Variants in SELENOF observed in about 807,000 individuals in gnomAD.
SELENOF encodes the protein selenoprotein F.
SELENOF carries 16 observed loss-of-function variants against 20.5 expected under a neutral mutation model. The ratio of observed to expected loss-of-function variants is 0.78; its 90% CI spans 0.53 to 1.19. The LOEUF (loss-of-function observed/expected upper bound fraction) is 1.19, where lower values mean the gene tolerates loss of function less well. SELENOF is among the 50% of genes most tolerant of loss of function. The probability of loss-of-function intolerance (pLI) is 0.00; values close to 1 mark genes in which losing one functional copy is unlikely to be tolerated. For missense variants in SELENOF, 215 were observed against 194.2 expected, an observed-to-expected ratio of 1.11 and a Z score of -0.64; for synonymous variants, 78 against 74.5, an observed-to-expected ratio of 1.05 and a Z score of -0.24.
At chr1:86,874,283 TTC>T (rs1399610486) in intron 3 of SELENOF, among the ~76,000 whole-genome samples, 7 of 152,166 alleles carry the variant, frequency 4.6e-5, no homozygotes, top group Non-Finnish European at 8.8e-5. Flanking sequence ...ATTTGGAGAT[TTC>T]TAAAGAAAAT....
chr1:86,883,152 CAT>C (rs1659121117), intron 2 of SELENOF, among the ~76,000 whole-genome samples: 1 of 150,742 alleles, frequency 6.6e-6, no homozygotes. Flanking sequence ...AATTCGGACA[CAT>C]ATTACAATAT....
chr1:86,875,978 A>G (rs982669643), intron 3 of SELENOF, among the ~76,000 whole-genome samples: 1 of 151,776 alleles, frequency 6.6e-6, no homozygotes, highest in African/African-American at 2.4e-5. Context: ...CGGGTCTTGT[A>G]TTTGATTTTG....
Position 86,880,724 on chromosome 1 carries a change from A to G in SELENOF, c.254T>C (p.Leu85Pro). Residue 85 changes from leucine (L) to proline (P), a missense_variant and splice_region_variant, in exon 3 of 5, where the codon CTG (leucine) becomes CCG (proline). By Grantham distance (98) the Leu-to-Pro change is moderately conservative. Transcript: ENST00000331835. ...AACTTCAAGAATAGCTCCTGCATAC[A>G]GCTACAAAAGGAAAAACAGGAATTT... ...QEEAQFETKK[L>P]YAGAILEVCG... 1 of 1,571,594 alleles carries G rather than the reference A, an allele frequency of 6.4e-7. No homozygotes were observed. The highest frequency in any genetic ancestry group is 8.6e-7 in the Non-Finnish European group (1 of 1,158,360).
intron 1 of SELENOF, among the ~76,000 whole-genome samples, chr1:86,905,402 C>T (rs547289390): frequency 2.0e-5 from 3 of 152,284 alleles, no homozygotes; most frequent in Non-Finnish European, 4.4e-5. Flanking sequence ...TCCACTTCTT[C>T]ACCTTGTAAC....
rs969484051 is a variant in SELENOF, at chr1:86,875,968, C to T, written c.316+4694G>A. On this transcript the variant is annotated intron_variant, in intron 3 of 4. Coordinates refer to ENST00000331835, the MANE Select transcript of SELENOF (RefSeq NM_004261.5). ...ATCTAGAAGAGAAACCATGTCATGG[C>T]GGGTCTTGTATTTGATTTTGTATGT... Among the ~76,000 whole-genome samples the T allele has an allele frequency of 8.6e-5, 13 of 151,944 alleles. No individual in the cohort carries two copies. In the South Asian group the frequency reaches 2.1e-3, roughly 24 times the overall value.
intron 2 of SELENOF, among the ~76,000 whole-genome samples, chr1:86,882,692 A>G (rs756681523): frequency 1.6e-4 from 24 of 152,212 alleles, no homozygotes; most frequent in Non-Finnish European, 2.4e-4. Flanking sequence ...CCTCAAACAG[A>G]TATTTATACA....
chr1:86,893,673 T>C (rs1659447113), intron 2 of SELENOF, among the ~76,000 whole-genome samples: 1 of 151,978 alleles, frequency 6.6e-6, no homozygotes, highest in Non-Finnish European at 1.5e-5. Context: ...TCTCAACAAT[T>C]CTTATAAAAA....
chr1:86,900,101 A>T (rs1659651727), intron 2 of SELENOF, among the ~76,000 whole-genome samples: 1 of 149,078 alleles, frequency 6.7e-6, no homozygotes, highest in African/African-American at 2.5e-5. Context: ...CTCACTTTCC[A>T]GACTGGGCAG....
intron 2 of SELENOF, among the ~76,000 whole-genome samples, chr1:86,883,454 A>G (rs1281687519): frequency 1.3e-5 from 2 of 151,504 alleles, no homozygotes; most frequent in Non-Finnish European, 2.9e-5. Context: ...ATTTTACACT[A>G]AATAGTGTAT....
intron 2 of SELENOF, among the ~76,000 whole-genome samples, chr1:86,899,102 G>A (rs1659604353): frequency 6.6e-6 from 1 of 151,426 alleles, no homozygotes. Flanking sequence ...AGGTTGTGGG[G>A]TAAGGTCACA....
At chr1:86,893,375 T>C (rs1570395583) in intron 2 of SELENOF, among the ~76,000 whole-genome samples, 1 of 147,418 alleles carries the variant, frequency 6.8e-6, no homozygotes. Context: ...GAGGCCAAGG[T>C]GGGTGGATCA....
chr1:86,914,558 C>G (rs1660090208), upstream of SELENOF: 3 of 168,122 alleles, frequency 1.8e-5, no homozygotes, highest in South Asian at 2.6e-4. Context: ...GGCGGGGCTT[C>G]TGGTTGCCGA....
At chr1:86,883,471 T>C (rs75310297) in intron 2 of SELENOF, among the ~76,000 whole-genome samples, 7,122 of 151,652 alleles carry the variant, frequency 0.047, 325 homozygotes, top group African/African-American at 0.12. Context: ...GTATAGTGTA[T>C]GTACACTAGT....
chr1:86,874,579 A>T (rs1658876212), intron 3 of SELENOF, among the ~76,000 whole-genome samples: 1 of 147,312 alleles, frequency 6.8e-6, no homozygotes, highest in Non-Finnish European at 1.5e-5. Context: ...AAGGAGTATT[A>T]AAAAAAAAAC....
At chr1:86,864,292 T>A (rs1352660396) in intron 4 of SELENOF, among the ~76,000 whole-genome samples, 1 of 152,208 alleles carries the variant, frequency 6.6e-6, no homozygotes, top group African/African-American at 2.4e-5. Context: ...ATTAGTTGGG[T>A]CCAATATTTC....
intron 2 of SELENOF, among the ~76,000 whole-genome samples, chr1:86,898,784 T>G (rs1417425015): frequency 6.6e-6 from 1 of 151,882 alleles, no homozygotes. Flanking sequence ...TTGTTTTTTT[T>G]AATTTTCATT....
chr1:86,891,520 G>A (rs1319178734), intron 2 of SELENOF, among the ~76,000 whole-genome samples: 3 of 152,076 alleles, frequency 2.0e-5, no homozygotes, highest in Non-Finnish European at 4.4e-5. Flanking sequence ...GTTTATTTTC[G>A]TTTTGAGCAT....
chr1:86,872,611 C>A (rs959305371), intron 3 of SELENOF, among the ~76,000 whole-genome samples: 21 of 151,206 alleles, frequency 1.4e-4, no homozygotes, highest in African/African-American at 4.1e-4. Context: ...GAATTCCCAA[C>A]CTCAGGTGAT....
intron 2 of SELENOF, among the ~76,000 whole-genome samples, chr1:86,888,068 C>T (rs558151079): frequency 6.6e-6 from 1 of 152,164 alleles, no homozygotes; most frequent in South Asian, 2.1e-4. Context: ...CCAGACCAGC[C>T]TGGCCAACAT....
Sources: allele counts gnomAD v4.1 joint callset (sites outside exome capture counted in the v4.1 genomes callset), GRCh38; gene constraint gnomAD v4.1.1; transcripts MANE v1.5; gene names NCBI Gene and HGNC (gene_info 2026-07-23, HGNC 2026-07-21).